KHDRBS2: variants seen among roughly 807,000 people sequenced by gnomAD.
KHDRBS2 encodes the protein KH domain-containing, RNA-binding, signal transduction-associated protein 2.
In KHDRBS2, 26 loss-of-function variants were observed where a neutral mutation model predicts 44.3. That is an observed-to-expected ratio of 0.59 (90% CI 0.43 to 0.81). The LOEUF is 0.81. Among genes scored for constraint, KHDRBS2 ranks in the 40% least tolerant of loss-of-function variants. The pLI, the probability that KHDRBS2 is intolerant of heterozygous loss-of-function variation, is 0.00. For missense variants in KHDRBS2, 476 were observed against 433.1 expected, an observed-to-expected ratio of 1.10 and a Z score of -0.88; for synonymous variants, 194 against 151.1, an observed-to-expected ratio of 1.28 and a Z score of -2.08.
intron 2 of KHDRBS2, among the ~76,000 whole-genome samples, chr6:62,064,366 C>A (rs945853647): frequency 1.2e-4 from 18 of 147,680 alleles, no homozygotes; most frequent in African/African-American, 4.5e-4. Flanking sequence ...CATCACACTA[C>A]CTGACTTCAA....
chr6:61,775,407 A>C (rs1328535683), intron 6 of KHDRBS2, among the ~76,000 whole-genome samples: 1 of 152,278 alleles, frequency 6.6e-6, no homozygotes, highest in Non-Finnish European at 1.5e-5. Flanking sequence ...ATCTCAGCCC[A>C]AAATCTCCTC....
At chr6:62,063,398 G>A (rs1461094555) in intron 2 of KHDRBS2, among the ~76,000 whole-genome samples, 8 of 151,266 alleles carry the variant, frequency 5.3e-5, no homozygotes, top group African/African-American at 9.7e-5. Context: ...CTGGCAAACC[G>A]AATCCAGCAG....
chr6:61,798,952 CAAT>C (rs1785814413), intron 6 of KHDRBS2, among the ~76,000 whole-genome samples: 1 of 151,838 alleles, frequency 6.6e-6, no homozygotes, highest in Non-Finnish European at 1.5e-5. Context: ...ATGATGATGA[CAAT>C]GATGAAGACA....
chr6:61,792,495 T>C (rs1784766028), intron 6 of KHDRBS2, among the ~76,000 whole-genome samples: 1 of 151,752 alleles, frequency 6.6e-6, no homozygotes, highest in African/African-American at 2.4e-5. Flanking sequence ...TTAGTTTTTC[T>C]TTACTAATTT....
chr6:61,741,731 A>G (rs1459269993), intron 6 of KHDRBS2, among the ~76,000 whole-genome samples: 1 of 151,952 alleles, frequency 6.6e-6, no homozygotes, highest in South Asian at 2.1e-4. Context: ...TGTGAAATTG[A>G]CATGTTTTTG....
At chr6:61,912,094 T>A (rs1806158992) in intron 4 of KHDRBS2, among the ~76,000 whole-genome samples, 1 of 152,052 alleles carries the variant, frequency 6.6e-6, no homozygotes, top group Admixed American at 6.6e-5. Context: ...GGGTTAAGAA[T>A]GTTAAGTGAA....
the KHDRBS2 span, among the ~76,000 whole-genome samples, chr6:61,582,305 A>G: frequency 6.6e-6 from 1 of 151,766 alleles, no homozygotes; most frequent in Non-Finnish European, 1.5e-5. Context: ...GATACAAGCA[A>G]AAAAGCCTAG....
At chr6:61,836,001 T>C (rs1277777888) in intron 6 of KHDRBS2, among the ~76,000 whole-genome samples, 1 of 151,972 alleles carries the variant, frequency 6.6e-6, no homozygotes. Flanking sequence ...ACACCGTCTA[T>C]GTCAACCTGC....
rs1226125746 is a variant in KHDRBS2 at position 62,075,608 on chromosome 6, C to A, written c.220-27614G>T. Among the ~76,000 whole-genome samples the A allele has an allele frequency of 3.3e-5, 5 of 151,936 alleles. 1 individual carries two copies. The South Asian group carries it at 1.0e-3, about 32-fold the overall frequency. On this transcript the variant is annotated intron_variant, in intron 2 of 8. Transcript: ENST00000281156. Reference sequence around the variant, plus strand: ...TGTATAAGTTACTTATTTTCCCATTCCTGTTCCTATCAGCATTAAATTTTT... The same window carrying A: ...TGTATAAGTTACTTATTTTCCCATTACTGTTCCTATCAGCATTAAATTTTT...
At chr6:61,733,786 T>C (rs1224931715) in intron 6 of KHDRBS2, among the ~76,000 whole-genome samples, 5 of 152,132 alleles carry the variant, frequency 3.3e-5, no homozygotes, top group Admixed American at 2.6e-4. Context: ...CTCTGAATGA[T>C]TTAGTTTTGT....
chr6:62,161,573 C>CCGG (rs1490807995), intron 2 of KHDRBS2, among the ~76,000 whole-genome samples: 1 of 33,344 alleles, frequency 3.0e-5, no homozygotes, highest in Non-Finnish European at 5.0e-5. Context: ...TTGGTATTTG[C>CCGG]GGGGGGGGGG....
intron 6 of KHDRBS2, among the ~76,000 whole-genome samples, chr6:61,827,168 A>T (rs1791013539): frequency 6.6e-6 from 1 of 152,210 alleles, no homozygotes; most frequent in Non-Finnish European, 1.5e-5. Flanking sequence ...GGTAATAAAC[A>T]TCATTAGGTC....
downstream of KHDRBS2, among the ~76,000 whole-genome samples, chr6:61,679,494 G>A (rs1220327987): frequency 6.6e-6 from 1 of 151,876 alleles, no homozygotes; most frequent in Non-Finnish European, 1.5e-5. Flanking sequence ...GTTACTATTA[G>A]TGTTACCTGT....
At chr6:61,699,568 C>T (rs75378535) in intron 7 of KHDRBS2, among the ~76,000 whole-genome samples, 4,045 of 151,852 alleles carry the variant, frequency 0.027, 178 homozygotes, top group African/African-American at 0.092. Context: ...ATGGAAGGAA[C>T]GACAGAAGGG....
intron 1 of KHDRBS2, among the ~76,000 whole-genome samples, chr6:62,179,537 C>A (rs1442533953): frequency 6.6e-6 from 1 of 151,684 alleles, no homozygotes; most frequent in Admixed American, 6.6e-5. Context: ...TTGATCACTG[C>A]CCTATGGGTG....
rs190913887 is a variant in KHDRBS2, at chr6:61,750,692, T to C, written c.811-17928A>G. Among the ~76,000 whole-genome samples the C allele has an allele frequency of 1.6e-3, 237 of 152,104 alleles. 1 individual carries two copies. The highest frequency in any genetic ancestry group is 5.3e-3 in the African/African-American group (221 of 41,500). ...TTTTCAACTTTCTTTGTTTCCCTTT[T>C]TCACATTTTGCTTATTTACCAGGGA... On this transcript the variant is annotated intron_variant, in intron 6 of 8. Coordinates refer to ENST00000281156, the MANE Select transcript of KHDRBS2 (RefSeq NM_152688.4).
chr6:61,583,358 C>A, the KHDRBS2 span, among the ~76,000 whole-genome samples: 1 of 151,712 alleles, frequency 6.6e-6, no homozygotes, highest in African/African-American at 2.4e-5. Flanking sequence ...TGTAAAATAA[C>A]ACAGCTTATT....
chr6:61,987,015 C>T (rs1204235909), intron 3 of KHDRBS2, among the ~76,000 whole-genome samples: 1 of 152,162 alleles, frequency 6.6e-6, no homozygotes, highest in African/African-American at 2.4e-5. Context: ...TTATTATCTA[C>T]AATATGTTAC....
At chr6:61,786,352 G>A (rs1041568372) in intron 6 of KHDRBS2, among the ~76,000 whole-genome samples, 1 of 151,868 alleles carries the variant, frequency 6.6e-6, no homozygotes, top group African/African-American at 2.4e-5. Context: ...TTCATGATTA[G>A]GGGTCATATT....
Sources: allele counts gnomAD v4.1 joint callset (sites outside exome capture counted in the v4.1 genomes callset), GRCh38; gene constraint gnomAD v4.1.1; transcripts MANE v1.5; gene names NCBI Gene and HGNC (gene_info 2026-07-23, HGNC 2026-07-21).